ATP9B: variants seen among roughly 807,000 people sequenced by gnomAD.
ATP9B encodes the protein ATPase phospholipid transporting 9B.
Under a neutral mutation model 146.1 loss-of-function variants are expected in ATP9B, and 110 were observed. The ratio of observed to expected loss-of-function variants is 0.75; its 90% CI spans 0.65 to 0.88. The LOEUF (loss-of-function observed/expected upper bound fraction) is 0.88, where lower values mean the gene tolerates loss of function less well. Ranked by LOEUF, ATP9B falls within the 40% of genes least tolerant of loss-of-function variation. The pLI, the probability that ATP9B is intolerant of heterozygous loss-of-function variation, is 0.00. For synonymous variants in ATP9B, 604 were observed against 569.7 expected, an observed-to-expected ratio of 1.06 and a Z score of -0.86; for missense variants, 1,499 against 1,496.4, an observed-to-expected ratio of 1.00 and a Z score of -0.03.
At chr18:79,079,281 G>A (rs1487126244) in intron 1 of ATP9B, among the ~76,000 whole-genome samples, 1 of 152,226 alleles carries the variant, frequency 6.6e-6, no homozygotes, top group Non-Finnish European at 1.5e-5. Context: ...CCCACCAACA[G>A]TATAAAAGTG....
At chr18:79,376,214 C>CA (rs67414221) in intron 29 of ATP9B, 1 of 876,958 alleles carries the variant, frequency 1.1e-6, no homozygotes, top group Non-Finnish European at 1.3e-6. Context: ...CACACACACA[C>CA]AAAACAAAAC....
intron 1 of ATP9B, among the ~76,000 whole-genome samples, chr18:79,071,066 T>TTTTTTTTTG (rs371797213): frequency 1.8e-4 from 27 of 149,576 alleles, no homozygotes; most frequent in East Asian, 1.4e-3. Context: ...TTTTTTTTTT[T>TTTTTTTTTG]GCCACTTTTT....
chr18:79,106,499 A>G (rs2075660276), intron 2 of ATP9B, among the ~76,000 whole-genome samples: 1 of 152,194 alleles, frequency 6.6e-6, no homozygotes, highest in Admixed American at 6.5e-5. Context: ...TGCATGATCC[A>G]GGGGCAGTTC....
chr18:79,245,625 G>GTGC (rs879301819), intron 11 of ATP9B, among the ~76,000 whole-genome samples: 1 of 70,238 alleles, frequency 1.4e-5, no homozygotes, highest in African/African-American at 4.0e-5. Context: ...CCTACTGACT[G>GTGC]GGGAGGGTAC....
intron 1 of ATP9B, among the ~76,000 whole-genome samples, chr18:79,079,307 G>A (rs1423759892): frequency 2.0e-5 from 3 of 152,110 alleles, no homozygotes; most frequent in African/African-American, 7.2e-5. Context: ...GTTTCTCCAT[G>A]TCCTCTCCAG....
At chr18:79,222,687 C>T (rs1407785470) in intron 11 of ATP9B, among the ~76,000 whole-genome samples, 4 of 152,104 alleles carry the variant, frequency 2.6e-5, no homozygotes, top group African/African-American at 9.7e-5. Flanking sequence ...TTTCCCGCCT[C>T]CTAGTGCTTA....
intron 1 of ATP9B, among the ~76,000 whole-genome samples, chr18:79,076,117 A>G (rs1382633076): frequency 2.0e-5 from 3 of 152,244 alleles, no homozygotes; most frequent in East Asian, 1.9e-4. Flanking sequence ...TTACATATGT[A>G]AAAGTATATA....
chr18:79,325,264 GTC>G (rs1264239181), intron 15 of ATP9B, among the ~76,000 whole-genome samples: 1 of 152,116 alleles, frequency 6.6e-6, no homozygotes, highest in East Asian at 1.9e-4. Flanking sequence ...GAGAAAAGGT[GTC>G]TGACTCTCCC....
chr18:79,137,877 A>C (rs1386146766), intron 5 of ATP9B, among the ~76,000 whole-genome samples: 2 of 152,198 alleles, frequency 1.3e-5, no homozygotes, highest in Non-Finnish European at 2.9e-5. Flanking sequence ...CACCTGCTAC[A>C]TTCCAGCATG....
chr18:79,340,922 G>C (rs1019017742), intron 19 of ATP9B, among the ~76,000 whole-genome samples: 1 of 152,188 alleles, frequency 6.6e-6, no homozygotes, highest in Non-Finnish European at 1.5e-5. Context: ...ACTGTGTGCC[G>C]CCTTGGCAGT....
At position 79,374,053 on chromosome 18, in the gene ATP9B, A is replaced by C. The variant is rs1217609437; in HGVS notation, c.3226A>C (p.Ser1076Arg). ...HWLMVVAEFL[S>R]LGCYVSSLAF... ...GCTGATGGTGGTGGCCGAGTTCCTC[A>C]GCTTAGGCTGCTACGTGTCCTCACT... Residue 1076 changes from serine to arginine, a missense_variant, in exon 28 of 30, where the codon AGC becomes CGC. Ser to Arg is a moderately radical substitution (Grantham distance 110). Transcript: ENST00000426216. 6.2e-7 allele frequency: 1 copy of C among 1,614,182 alleles called. No individual in the cohort carries two copies. Among genetic ancestry groups the C allele is most frequent in the Admixed American group, 1.7e-5 (1 of 60,022 alleles).
chr18:79,239,257 C>T lies in ATP9B; in HGVS notation c.1108-14124C>T, dbSNP rs1271354810. On this transcript the variant is annotated intron_variant, in intron 11 of 29. Transcript: ENST00000426216. The surrounding 1 kb of genome is among the most constrained non-coding windows in gnomAD (Gnocchi z 5.1). ...GTGGACTGTGGACTGTGGACCACCGCGTGTGCCCCTTCAGCCCTCTTATTT... is the reference window on the plus strand; with the variant it reads ...GTGGACTGTGGACTGTGGACCACCGTGTGTGCCCCTTCAGCCCTCTTATTT... Among the ~76,000 whole-genome samples the T allele has an allele frequency of 2.0e-5, 3 of 152,206 alleles. No homozygotes were observed. Among genetic ancestry groups the T allele is most frequent in the African/African-American group, 2.4e-5 (1 of 41,450 alleles).
chr18:79,096,732 T>A, intron 2 of ATP9B, 83 bp downstream of exon 2: 1 of 1,120,676 alleles, frequency 8.9e-7, no homozygotes, highest in Non-Finnish European at 1.2e-6. Flanking sequence ...TTAGCTATAT[T>A]AATATAAAAA....
At chr18:79,193,691 A>G (rs1204597861) in intron 9 of ATP9B, among the ~76,000 whole-genome samples, 1 of 152,138 alleles carries the variant, frequency 6.6e-6, no homozygotes, top group Admixed American at 6.5e-5. Flanking sequence ...CACACACTTT[A>G]TATTATTACA....
In ATP9B at chr18:79,225,848, C is replaced by T. The variant is rs1047795492; in HGVS notation, c.1107+11810C>T. Among the ~76,000 whole-genome samples the T allele has an allele frequency of 2.8e-5, 4 of 142,810 alleles. No individual in the cohort carries two copies. In the South Asian group the frequency reaches 7.9e-4, roughly 28 times the overall value. The allele number at this position is 142,810 out of a possible 152,430, so 93.7% of individuals were successfully genotyped here. A position where few individuals can be genotyped will look rare whatever the true frequency, so the allele number is the denominator to read the frequency against. ...CAGCGTCTGAGTGACTGTTGGGTCCCGCAGTCGCAGGGCGGCCACTGTCTT... is the reference window on the plus strand; with the variant it reads ...CAGCGTCTGAGTGACTGTTGGGTCCTGCAGTCGCAGGGCGGCCACTGTCTT... On this transcript the variant is annotated intron_variant, in intron 11 of 29. Coordinates refer to ENST00000426216, the MANE Select transcript of ATP9B (RefSeq NM_198531.5).
intron 7 of ATP9B, among the ~76,000 whole-genome samples, chr18:79,172,540 CCTCCCAA>C (rs2095091979): frequency 1.7e-5 from 2 of 121,122 alleles, no homozygotes; most frequent in South Asian, 3.5e-4. Flanking sequence ...TCCGCCTTGG[CCTCCCAA>C]GGTGCTGTGA....
At chr18:79,297,917 C>T (rs1056405916) in intron 13 of ATP9B, among the ~76,000 whole-genome samples, 3 of 146,978 alleles carry the variant, frequency 2.0e-5, no homozygotes, top group East Asian at 2.0e-4. Flanking sequence ...AAATGTAGCC[C>T]TCATTCATGC....
At chr18:79,136,606 C>T (rs544953068) in intron 5 of ATP9B, among the ~76,000 whole-genome samples, 2 of 152,238 alleles carry the variant, frequency 1.3e-5, no homozygotes, top group East Asian at 1.9e-4. Flanking sequence ...GGTAGTGACA[C>T]ATTCATTGAT....
At chr18:79,305,318 T>C (rs558331084) in intron 14 of ATP9B, among the ~76,000 whole-genome samples, 2 of 152,350 alleles carry the variant, frequency 1.3e-5, no homozygotes, top group South Asian at 4.1e-4. Context: ...GTATACTTGC[T>C]ACCAGTCTGG....
Sources: gnomAD v4.1 joint callset for allele counts (sites outside exome capture counted in the v4.1 genomes callset) on GRCh38, gnomAD v4.1.1 for gene constraint, Gnocchi (gnomAD v3.1) non-coding constraint, MANE v1.5 for transcripts, NCBI Gene and HGNC (gene_info 2026-07-23, HGNC 2026-07-21) for gene names.